The following ZFAT variants were observed in gnomAD, a reference collection of about 807,000 sequenced individuals.
The protein encoded by ZFAT is zinc finger protein ZFAT.
A neutral mutation model predicts 117.7 loss-of-function variants in ZFAT; 64 were observed. That is an observed-to-expected ratio of 0.54 (90% CI 0.44 to 0.67). The LOEUF (loss-of-function observed/expected upper bound fraction) is 0.67, where lower values mean the gene tolerates loss of function less well. Among genes scored for constraint, ZFAT ranks in the 30% least tolerant of loss-of-function variants. The probability of loss-of-function intolerance (pLI) is 0.00; values close to 1 mark genes in which losing one functional copy is unlikely to be tolerated. For synonymous variants in ZFAT, 679 were observed against 615.0 expected (o/e 1.10, Z -1.54); for missense variants, 1,433 against 1,584.5 (o/e 0.90, Z 1.62).
chr8:134,521,062 TTCC>T, intron 12 of ZFAT, 61 bp from the exon 13 acceptor site: 1 of 1,217,124 alleles, frequency 8.2e-7, no homozygotes, highest in Non-Finnish European at 1.2e-6. Context: ...AATGCAACAG[TTCC>T]TCCTCCTGTT....
At chr8:134,603,947 A>C (rs1586799215) in intron 5 of ZFAT, among the ~76,000 whole-genome samples, 1 of 152,288 alleles carries the variant, frequency 6.6e-6, no homozygotes, top group Non-Finnish European at 1.5e-5. Context: ...AGATGGGGAA[A>C]ATAGGGTTGC....
At chr8:134,675,211 AG>A (rs1832738047) in intron 1 of ZFAT, among the ~76,000 whole-genome samples, 1 of 152,242 alleles carries the variant, frequency 6.6e-6, no homozygotes, top group South Asian at 2.1e-4. Context: ...CCTGGAAAAA[AG>A]GTTAGACACA....
At chr8:134,781,970 C>T in the ZFAT span, among the ~76,000 whole-genome samples, 2 of 152,156 alleles carry the variant, frequency 1.3e-5, no homozygotes, top group Non-Finnish European at 2.9e-5. Flanking sequence ...GGCTTCCAGT[C>T]AATAGCAGTA....
At chr8:134,565,212 A>G in intron 11 of ZFAT, 121 bp downstream of exon 11, 1 of 1,549,410 alleles carries the variant, frequency 6.5e-7, no homozygotes, top group Non-Finnish European at 8.7e-7. Flanking sequence ...GTACCAGCTA[A>G]GGGGGCCCCA....
rs549367633 is a variant in ZFAT at position 134,608,620 on chromosome 8, A to G, written c.785+109T>C. On this transcript the variant is annotated intron_variant, in intron 5 of 15. Transcript: ENST00000377838. ...AAGGAGTCAGTATCTCTTATAAACA[A>G]GTTTATAAGCAGAATCCAAACGAAC... 8.1e-5 allele frequency: 108 copies of G among 1,334,566 alleles called. No homozygotes were observed. The African/African-American group carries it at 1.3e-3, about 16-fold the overall frequency. 82.7% of individuals were successfully genotyped at this position (1,334,566 alleles called of 1,614,324 possible). A position where few individuals can be genotyped will look rare whatever the true frequency, so the allele number is the denominator to read the frequency against.
chr8:134,596,786 A>G (rs919319569), intron 7 of ZFAT, among the ~76,000 whole-genome samples: 2 of 152,236 alleles, frequency 1.3e-5, no homozygotes, highest in African/African-American at 4.8e-5. Flanking sequence ...ACATTTTATG[A>G]TTTCTTTCAT....
intron 1 of ZFAT, among the ~76,000 whole-genome samples, chr8:134,689,773 A>C (rs1833507070): frequency 6.6e-6 from 1 of 152,214 alleles, no homozygotes; most frequent in Non-Finnish European, 1.5e-5. Flanking sequence ...ACTGGAGGAC[A>C]CGGACAGATG....
chr8:134,657,751 A>G lies in ZFAT; in HGVS notation c.20-14T>C, dbSNP rs763045481. 31 of 1,607,636 alleles carry G rather than the reference A, an allele frequency of 1.9e-5. No homozygotes were observed. The highest frequency in any genetic ancestry group is 8.9e-5 in the East Asian group (4 of 44,820). On this transcript the variant is annotated splice_polypyrimidine_tract_variant and intron_variant, in intron 1 of 15. Transcript: ENST00000377838. ...TGGCCGTGTTTTCTGTAAGGAAAAA[A>G]AAGGAAAATATGTTATTTCATCTCC...
chr8:134,651,065 A>G (rs571626760), intron 2 of ZFAT, among the ~76,000 whole-genome samples: 2 of 152,370 alleles, frequency 1.3e-5, no homozygotes, highest in South Asian at 4.1e-4. Flanking sequence ...TGGATCCTTT[A>G]TATGCTGTTG....
the ZFAT span, among the ~76,000 whole-genome samples, chr8:134,769,814 A>G: frequency 6.6e-6 from 1 of 152,228 alleles, no homozygotes; most frequent in Non-Finnish European, 1.5e-5. Context: ...ATCTAGGCAG[A>G]GGTTCCCAAA....
chr8:134,710,287 G>T (rs749628376), intron 1 of ZFAT, among the ~76,000 whole-genome samples: 1 of 152,212 alleles, frequency 6.6e-6, no homozygotes, highest in African/African-American at 2.4e-5. Flanking sequence ...CCTCATGCAA[G>T]TATGCCTATG....
At chr8:134,767,810 A>C in the ZFAT span, among the ~76,000 whole-genome samples, 20 of 152,212 alleles carry the variant, frequency 1.3e-4, no homozygotes, top group South Asian at 2.1e-3. Flanking sequence ...CTATGTTGTA[A>C]ATTTCCGTTT....
chr8:134,715,888 CAAT>C (rs1372994880), upstream of ZFAT, among the ~76,000 whole-genome samples: 5 of 152,018 alleles, frequency 3.3e-5, no homozygotes, highest in Non-Finnish European at 7.4e-5. Flanking sequence ...TACATGAAAA[CAAT>C]AATTTAGGAA....
At chr8:134,566,735 C>G (rs1205496161) in intron 10 of ZFAT, among the ~76,000 whole-genome samples, 1 of 152,180 alleles carries the variant, frequency 6.6e-6, no homozygotes, top group Non-Finnish European at 1.5e-5. Context: ...TATTCACTGC[C>G]AGCTCACCTG....
At chr8:134,744,531 A>G in the ZFAT span, among the ~76,000 whole-genome samples, 1 of 151,514 alleles carries the variant, frequency 6.6e-6, no homozygotes, top group Admixed American at 6.6e-5. Context: ...CCTGACCTCA[A>G]GTGATCCACC....
the ZFAT span, among the ~76,000 whole-genome samples, chr8:134,822,650 G>A: frequency 1.3e-5 from 2 of 151,862 alleles, no homozygotes; most frequent in Non-Finnish European, 2.9e-5. Flanking sequence ...GGACAGATGG[G>A]GGATTATTAC....
chr8:134,829,854 G>A, the ZFAT span, among the ~76,000 whole-genome samples: 1 of 151,984 alleles, frequency 6.6e-6, no homozygotes, highest in African/African-American at 2.4e-5. Flanking sequence ...GAATATACAA[G>A]AAATACTAGA....
At chr8:134,721,259 A>C in the ZFAT span, among the ~76,000 whole-genome samples, 2 of 152,196 alleles carry the variant, frequency 1.3e-5, no homozygotes, top group African/African-American at 4.8e-5. Context: ...TCTGCTGAGC[A>C]ACCAGTCAGC....
chr8:134,531,437 C>T (rs1331007926), intron 12 of ZFAT, among the ~76,000 whole-genome samples: 1 of 152,172 alleles, frequency 6.6e-6, no homozygotes, highest in African/African-American at 2.4e-5. Flanking sequence ...GCGATGGCTC[C>T]ACAATTCCTA....
Sources: gnomAD v4.1 joint callset for allele counts (sites outside exome capture counted in the v4.1 genomes callset) on GRCh38, gnomAD v4.1.1 for gene constraint, MANE v1.5 for transcripts, NCBI Gene and HGNC (gene_info 2026-07-23, HGNC 2026-07-21) for gene names.